Variants in DMD observed in about 807,000 individuals in gnomAD.
DMD encodes mutant dystrophin.
A neutral mutation model predicts 330.1 loss-of-function variants in DMD; 63 were observed. The ratio of observed to expected loss-of-function variants is 0.19; its 90% CI spans 0.16 to 0.24. The LOEUF is 0.24. Among genes scored for constraint, DMD ranks in the 10% least tolerant of loss-of-function variants. The pLI is 1.00. For synonymous variants in DMD, 1,223 were observed against 959.8 expected, an observed-to-expected ratio of 1.27 and a Z score of -5.07; for missense variants, 3,344 against 2,684.1, an observed-to-expected ratio of 1.25 and a Z score of -5.43.
chrX:31,496,152 C>T (rs6527095), intron 57 of DMD, among the ~76,000 whole-genome samples: 39,815 of 110,764 alleles, frequency 0.36, 5,678 homozygotes, highest in East Asian at 0.56. Flanking sequence ...TACTTCCAAA[C>T]AAAAAGTAAT....
intron 7 of DMD, among the ~76,000 whole-genome samples, chrX:32,804,022 T>C (rs1157711836): frequency 9.0e-6 from 1 of 111,635 alleles, no homozygotes; most frequent in Non-Finnish European, 1.9e-5. Context: ...TAATTTTCTG[T>C]CTCGTTGATC....
intron 1 of DMD, among the ~76,000 whole-genome samples, chrX:33,089,938 C>T (rs1233237150): frequency 9.0e-6 from 1 of 111,415 alleles, no homozygotes; most frequent in Non-Finnish European, 1.9e-5. Context: ...GTTCCCAGTA[C>T]ATCCAATCAT....
Position 32,863,551 on chromosome X carries a change from C to T in DMD, c.94-13731G>A, listed in dbSNP as rs1474502938. ...GATTGTGTTTATACACACACACACA[C>T]ACACACACACACACACACACACAAA... On this transcript the variant is annotated intron_variant, in intron 2 of 78. Transcript: ENST00000357033. 9.5e-4 allele frequency among the ~76,000 whole-genome samples: 97 copies of T among 101,890 alleles called. 2 individuals carry two copies. The highest frequency in any genetic ancestry group is 3.6e-3 in the African/African-American group (94 of 26,075). 88.5% of individuals were successfully genotyped at this position (101,890 alleles called of 115,157 possible).
chrX:31,248,761 G>C (rs914610075), intron 63 of DMD, among the ~76,000 whole-genome samples: 1 of 111,921 alleles, frequency 8.9e-6, no homozygotes, highest in Non-Finnish European at 1.9e-5. Context: ...AGGGCAGGCG[G>C]AAAGGAGAAG....
chrX:32,474,387 T>G (rs2041008045), intron 21 of DMD, among the ~76,000 whole-genome samples: 1 of 111,751 alleles, frequency 8.9e-6, no homozygotes, highest in South Asian at 3.7e-4. Context: ...TACCCAGTAA[T>G]GGGATTGCTG....
chrX:31,435,391 T>G (rs750352552), intron 60 of DMD, among the ~76,000 whole-genome samples: 1 of 111,699 alleles, frequency 9.0e-6, no homozygotes, highest in Non-Finnish European at 1.9e-5. Context: ...ATTTATTATA[T>G]TTCCACCCTC....
At chrX:32,889,460 A>G (rs1016446399) in intron 2 of DMD, among the ~76,000 whole-genome samples, 2 of 110,588 alleles carry the variant, frequency 1.8e-5, no homozygotes, top group African/African-American at 3.3e-5. Context: ...CTGGCACTGT[A>G]TCAGTGTCAG....
At chrX:32,402,259 G>A (rs1050681982) in intron 30 of DMD, among the ~76,000 whole-genome samples, 2 of 110,991 alleles carry the variant, frequency 1.8e-5, no homozygotes, top group Admixed American at 9.6e-5. Flanking sequence ...AAAAGTTGAT[G>A]GTAACCTTAA....
chrX:32,660,719 C>G (rs2060890876), intron 9 of DMD, among the ~76,000 whole-genome samples: 1 of 111,295 alleles, frequency 9.0e-6, no homozygotes, highest in African/African-American at 3.3e-5. Context: ...ATAGTACTCA[C>G]AGCCACTTGC....
At chrX:33,278,851 A>G (rs1356184840) in intron 1 of DMD, among the ~76,000 whole-genome samples, 1 of 111,707 alleles carries the variant, frequency 9.0e-6, no homozygotes, top group Non-Finnish European at 1.9e-5. Context: ...TAAAGGGTGT[A>G]ATTCAACAAG....
intron 17 of DMD, among the ~76,000 whole-genome samples, chrX:32,535,805 A>G (rs1229001780): frequency 8.9e-6 from 1 of 111,847 alleles, no homozygotes; most frequent in East Asian, 2.8e-4. Context: ...AACATCCAAT[A>G]AATATTTATT....
intron 41 of DMD, among the ~76,000 whole-genome samples, chrX:32,313,642 T>A (rs752276788): frequency 9.0e-6 from 1 of 111,425 alleles, no homozygotes; most frequent in South Asian, 3.8e-4. Flanking sequence ...GATTGTATAT[T>A]TAGAAAACCC....
intron 62 of DMD, among the ~76,000 whole-genome samples, chrX:31,284,862 A>ACACACACC (rs1491159928): frequency 1.0e-5 from 1 of 100,256 alleles, no homozygotes; most frequent in Non-Finnish European, 2.0e-5. Context: ...ACACACACAC[A>ACACACACC]CCCACACCCA....
intron 1 of DMD, among the ~76,000 whole-genome samples, chrX:33,035,614 C>G (rs1215364050): frequency 9.0e-6 from 1 of 111,680 alleles, no homozygotes; most frequent in Non-Finnish European, 1.9e-5. Flanking sequence ...TGTTTGCTAC[C>G]TGACTGCTTA....
At chrX:31,318,723 C>G (rs1368469133) in intron 62 of DMD, among the ~76,000 whole-genome samples, 1 of 112,142 alleles carries the variant, frequency 8.9e-6, no homozygotes, top group African/African-American at 3.2e-5. Flanking sequence ...AAAAGCTGAG[C>G]AGTTAGCAAG....
chrX:33,016,594 T>A (rs191873812), intron 2 of DMD, among the ~76,000 whole-genome samples: 2 of 111,752 alleles, frequency 1.8e-5, no homozygotes, highest in African/African-American at 3.2e-5. Context: ...AAACTAATTA[T>A]GCATTTCTAC....
At chrX:32,175,356 G>T (rs1477093831) in intron 44 of DMD, among the ~76,000 whole-genome samples, 10 of 110,255 alleles carry the variant, frequency 9.1e-5, no homozygotes, top group Non-Finnish European at 1.9e-4. Context: ...ATCGTGGGGA[G>T]GATTGAAAAA....
intron 44 of DMD, among the ~76,000 whole-genome samples, chrX:32,005,650 G>T (rs965148713): frequency 9.1e-6 from 1 of 110,412 alleles, no homozygotes; most frequent in Non-Finnish European, 1.9e-5. Context: ...TGAAAGAGCT[G>T]GGGTATAAAG....
chrX:32,964,127 G>A (rs931458599), intron 2 of DMD, among the ~76,000 whole-genome samples: 1 of 107,048 alleles, frequency 9.3e-6, no homozygotes, highest in African/African-American at 3.4e-5. Flanking sequence ...GTGGTGGTGC[G>A]CGTCTGTAGT....
Sources: gnomAD v4.1 joint callset for allele counts (sites outside exome capture counted in the v4.1 genomes callset) on GRCh38, gnomAD v4.1.1 for gene constraint, MANE v1.5 for transcripts, NCBI Gene and HGNC (gene_info 2026-07-23, HGNC 2026-07-21) for gene names.